FBXL7: variants seen among roughly 807,000 people sequenced by gnomAD.
The protein encoded by FBXL7 is F-box/LRR-repeat protein 7.
Under a neutral mutation model 38.3 loss-of-function variants are expected in FBXL7, and 12 were observed. The observed-to-expected ratio is 0.31, with a 90% CI of 0.20 to 0.51. The LOEUF (loss-of-function observed/expected upper bound fraction) is 0.51. Ranked by LOEUF, FBXL7 falls within the 20% of genes least tolerant of loss-of-function variation. The pLI is 0.98. For synonymous variants in FBXL7, 297 were observed against 300.9 expected (o/e 0.99, Z 0.13); for missense variants, 567 against 676.4 (o/e 0.84, Z 1.79).
chr5:15,764,416 T>C (rs1201753340), intron 2 of FBXL7, among the ~76,000 whole-genome samples: 1 of 152,210 alleles, frequency 6.6e-6, no homozygotes, highest in East Asian at 1.9e-4. Context: ...GGCTAAGAGA[T>C]AAGCATTGTA....
chr5:15,707,967 A>G (rs1579395311), intron 2 of FBXL7, among the ~76,000 whole-genome samples: 1 of 152,034 alleles, frequency 6.6e-6, no homozygotes, highest in African/African-American at 2.4e-5. Flanking sequence ...TTTCTATCCC[A>G]TCTTTATAAA....
intron 2 of FBXL7, among the ~76,000 whole-genome samples, chr5:15,819,752 G>A (rs753324487): frequency 6.6e-6 from 1 of 152,128 alleles, no homozygotes; most frequent in Admixed American, 6.5e-5. Context: ...GCCCCAAGAG[G>A]ACACACCTGT....
intron 1 of FBXL7, among the ~76,000 whole-genome samples, chr5:15,504,466 G>C (rs1344849371): frequency 6.6e-6 from 1 of 152,138 alleles, no homozygotes; most frequent in Middle Eastern, 3.2e-3. Flanking sequence ...TGAAATCCTT[G>C]CTTTTCTCCA....
chr5:15,854,823 A>T (rs2126799046), intron 2 of FBXL7, among the ~76,000 whole-genome samples: 1 of 152,212 alleles, frequency 6.6e-6, no homozygotes, highest in African/African-American at 2.4e-5. Context: ...TGAGCATTTG[A>T]TGGTTATTCC....
chr5:15,737,752 C>T (rs1029063862), intron 2 of FBXL7, among the ~76,000 whole-genome samples: 9 of 152,226 alleles, frequency 5.9e-5, no homozygotes, highest in African/African-American at 1.9e-4. Flanking sequence ...AGGACAAGTG[C>T]CCTAGTTCTC....
At chr5:15,847,999 T>C (rs990562779) in intron 2 of FBXL7, among the ~76,000 whole-genome samples, 1 of 152,178 alleles carries the variant, frequency 6.6e-6, no homozygotes, top group African/African-American at 2.4e-5. Context: ...TGCAGTCTTG[T>C]GAGGCCCTTG....
chr5:15,743,161 C>T (rs1735934733), intron 2 of FBXL7, among the ~76,000 whole-genome samples: 1 of 152,160 alleles, frequency 6.6e-6, no homozygotes, highest in Non-Finnish European at 1.5e-5. Context: ...ACAATTATGC[C>T]TTCCCAACAG....
chr5:15,511,123 C>CT (rs1736785505), intron 1 of FBXL7, among the ~76,000 whole-genome samples: 1 of 152,196 alleles, frequency 6.6e-6, no homozygotes, highest in South Asian at 2.1e-4. Context: ...TTCCAAATGA[C>CT]AGTTTTATGG....
chr5:15,847,645 G>A (rs1579515803), intron 2 of FBXL7, among the ~76,000 whole-genome samples: 1 of 152,212 alleles, frequency 6.6e-6, no homozygotes, highest in Non-Finnish European at 1.5e-5. Context: ...AAGGTGGGGG[G>A]ACCTTGCAGA....
At chr5:15,677,198 A>C (rs904351683) in intron 2 of FBXL7, among the ~76,000 whole-genome samples, 1 of 152,210 alleles carries the variant, frequency 6.6e-6, no homozygotes, top group African/African-American at 2.4e-5. Context: ...GGCTGGGCGC[A>C]GTGGCTCACG....
At chr5:15,564,180 A>G (rs538057938) in intron 1 of FBXL7, among the ~76,000 whole-genome samples, 6 of 152,094 alleles carry the variant, frequency 3.9e-5, no homozygotes, top group Admixed American at 3.3e-4. Context: ...AGTGTCTATT[A>G]TGAGATTCCT....
In FBXL7 at chr5:15,938,846, C is replaced by G. The variant is rs1426327358; in HGVS notation, c.*1660C>G. The stretch of plus-strand genomic sequence containing the variant: ...TTCCATTGCTGGTTTTCACGAAATT[C>G]ACTTGTCTTTTGCTAATAAACACAT... On this transcript the variant is annotated 3_prime_UTR_variant, in exon 4 of 4. Transcript: ENST00000504595. 2 of 396,904 alleles carry G rather than the reference C, an allele frequency of 5.0e-6. No individual in the cohort carries two copies. The highest frequency in any genetic ancestry group is 8.9e-6 in the Non-Finnish European group (2 of 225,574). 24.6% of individuals were successfully genotyped at this position (396,904 alleles called of 1,614,324 possible). A position where few individuals can be genotyped will look rare whatever the true frequency, so the allele number is the denominator to read the frequency against.
intron 2 of FBXL7, among the ~76,000 whole-genome samples, chr5:15,811,194 T>G (rs1737851123): frequency 6.6e-6 from 1 of 152,196 alleles, no homozygotes; most frequent in Admixed American, 6.5e-5. Context: ...TGCTGTGAGA[T>G]CATATTCAGT....
At chr5:15,683,674 C>T (rs188851657) in intron 2 of FBXL7, among the ~76,000 whole-genome samples, 1 of 152,284 alleles carries the variant, frequency 6.6e-6, no homozygotes, top group Non-Finnish European at 1.5e-5. Flanking sequence ...CCCCTCTACT[C>T]CTGGGGGAGG....
chr5:15,876,004 G>A (rs1579555522), intron 2 of FBXL7, among the ~76,000 whole-genome samples: 1 of 152,120 alleles, frequency 6.6e-6, no homozygotes, highest in African/African-American at 2.4e-5. Context: ...AACCAACCCA[G>A]ATGCCCATCA....
intron 2 of FBXL7, among the ~76,000 whole-genome samples, chr5:15,662,379 G>A (rs1464660712): frequency 6.6e-6 from 1 of 152,090 alleles, no homozygotes; most frequent in Admixed American, 6.5e-5. Context: ...GTGTGTTTAA[G>A]TTCCTTATAG....
intron 2 of FBXL7, among the ~76,000 whole-genome samples, chr5:15,882,649 C>T (rs889595217): frequency 6.6e-6 from 1 of 152,210 alleles, no homozygotes; most frequent in Non-Finnish European, 1.5e-5. Flanking sequence ...GGAGTATCAA[C>T]AATAAGTCTT....
intron 2 of FBXL7, among the ~76,000 whole-genome samples, chr5:15,638,194 AT>A (rs1384781299): frequency 1.3e-5 from 2 of 152,246 alleles, no homozygotes; most frequent in Non-Finnish European, 2.9e-5. Flanking sequence ...GGAAAGAGCC[AT>A]GCCTGGGAAC....
rs190743993 is a variant in FBXL7, at chr5:15,718,063, T to C, written c.127+101991T>C. ...CCTTCATAGAAGGTACATGCTGAAG[T>C]ATTACAGGGACGCAGAGTCAGTCAC... is the stretch of plus-strand genomic sequence containing the variant. On this transcript the variant is annotated intron_variant, in intron 2 of 3. Coordinates refer to ENST00000504595, the MANE Select transcript of FBXL7 (RefSeq NM_012304.5). 2.0e-5 allele frequency among the ~76,000 whole-genome samples: 3 copies of C among 152,272 alleles called. No homozygotes were observed. The East Asian group carries it at 5.8e-4, about 29-fold the overall frequency.
Sources: gnomAD v4.1 joint callset for allele counts (sites outside exome capture counted in the v4.1 genomes callset) on GRCh38, gnomAD v4.1.1 for gene constraint, MANE v1.5 for transcripts, NCBI Gene and HGNC (gene_info 2026-07-23, HGNC 2026-07-21) for gene names.